Variants in CDK13 observed in about 807,000 individuals in gnomAD.
CDK13 encodes cyclin-dependent kinase 13.
A neutral mutation model predicts 137.6 loss-of-function variants in CDK13; 40 were observed. The ratio of observed to expected loss-of-function variants is 0.29; its 90% CI spans 0.23 to 0.38. The LOEUF is 0.38. Ranked by LOEUF, CDK13 falls within the 10% of genes least tolerant of loss-of-function variation. The pLI is 1.00. For missense variants in CDK13, 1,704 were observed against 1,951.8 expected (o/e 0.87, Z 2.39); for synonymous variants, 869 against 760.1 (o/e 1.14, Z -2.36).
chr7:40,062,239 A>G (rs1786163468), intron 7 of CDK13: 1 of 152,366 alleles, frequency 6.6e-6, no homozygotes, highest in Non-Finnish European at 1.5e-5. Flanking sequence ...TCAACAATTG[A>G]GTTGATACTA....
At position 40,054,192 on chromosome 7, in the gene CDK13, TC is replaced by T. The variant is rs1482491326; in HGVS notation, c.2600+6317del. Among the ~76,000 whole-genome samples, 18 of 152,288 alleles carry T rather than the reference TC, an allele frequency of 1.2e-4. No homozygotes were observed. In the East Asian group the frequency reaches 3.5e-3, roughly 29 times the overall value. ...AATTTTGCTTTTTGTCTTTGCATCC[TC>T]CAAATATATTTTTGACAAATGAGTT... On this transcript the variant is annotated intron_variant, in intron 7 of 13. Coordinates refer to ENST00000181839, the MANE Select transcript of CDK13 (RefSeq NM_003718.5).
chr7:39,978,576 C>T (rs1451608170), intron 1 of CDK13, among the ~76,000 whole-genome samples: 2 of 152,140 alleles, frequency 1.3e-5, no homozygotes, highest in African/African-American at 4.8e-5. Flanking sequence ...GTAATTTATT[C>T]CTTCAGGGGA....
intron 5 of CDK13, among the ~76,000 whole-genome samples, chr7:40,024,678 TCC>T (rs1785206179): frequency 1.4e-4 from 13 of 93,058 alleles, no homozygotes; most frequent in African/African-American, 4.5e-4. Context: ...TTTTTTTTTT[TCC>T]TGAGACAGAG....
In CDK13 at chr7:39,988,096, C is replaced by T; in HGVS notation, c.1709C>T (p.Ser570Phe). 1.9e-6 allele frequency: 3 copies of T among 1,613,910 alleles called. No individual in the cohort carries two copies. Among genetic ancestry groups the T allele is most frequent in the Non-Finnish European group, 2.5e-6 (3 of 1,179,980 alleles). Residue 570 changes from serine to phenylalanine, a missense_variant, in exon 2 of 14, where the codon TCT becomes TTT. Coordinates refer to ENST00000181839, the MANE Select transcript of CDK13 (RefSeq NM_003718.5). The part of the protein sequence containing the change: ...KAVIVGKESK[S>F]AATKEESVSL... ...GTCATAGTTGGAAAGGAGAGTAAAT[C>T]TGCTGCTACAAAGGAGGAATCAGTA...
At chr7:40,024,629 A>G (rs1785201794) in intron 5 of CDK13, among the ~76,000 whole-genome samples, 1 of 130,560 alleles carries the variant, frequency 7.7e-6, no homozygotes, top group Non-Finnish European at 1.6e-5. Context: ...TTCTTCCAAG[A>G]TATCTGTAGC....
In CDK13 at chr7:39,951,559, G is replaced by A; in HGVS notation, c.918G>A (p.Glu306=). 2 of 1,532,862 alleles carry A rather than the reference G, an allele frequency of 1.3e-6. No individual in the cohort carries two copies. The highest frequency in any genetic ancestry group is 1.2e-5 in the South Asian group (1 of 82,230). 95.0% of individuals were successfully genotyped at this position (1,532,862 alleles called of 1,614,324 possible). A position where few individuals can be genotyped will look rare whatever the true frequency, so the allele number is the denominator to read the frequency against. The change falls in exon 1 of 14, where the codon GAG becomes GAA. Residue 306 remains glutamate (E), a synonymous_variant. Transcript: ENST00000181839. ...PPKAYREDKT[E]PKAYRRRRSL... ...AGGCCTACCGGGAGGACAAGACCGA[G>A]CCTAAGGCCTACAGGCGGCGGCGGT...
chr7:40,001,991 G>T lies in CDK13; in HGVS notation c.2313G>T (p.Val771=). Residue 771 remains valine (V), a synonymous_variant, in exon 5 of 14, where the codon GTG becomes GTT. Coordinates refer to ENST00000181839, the MANE Select transcript of CDK13 (RefSeq NM_003718.5). The part of the protein sequence containing the change: ...HQSIINMKEI[V]TDKEDALDFK... The stretch of plus-strand genomic sequence containing the variant: ...GTATTATCAATATGAAGGAAATAGT[G>T]ACTGATAAAGAAGATGCTTTGGATT... The T allele has an allele frequency of 6.2e-7, 1 of 1,609,394 alleles. No homozygotes were observed. Among genetic ancestry groups the T allele is most frequent in the Non-Finnish European group, 8.5e-7 (1 of 1,178,160 alleles).
chr7:39,950,332 G>A lies in CDK13; in HGVS notation c.-310G>A. On this transcript the variant is annotated 5_prime_UTR_variant, in exon 1 of 14. Transcript: ENST00000181839. ...ACCCCCGGGGGCACTTGGAGGACTC[G>A]GGACTCCCCCGCAGGTCAGCGCCCG... The A allele has an allele frequency of 8.7e-7, 1 of 1,146,678 alleles. No individual in the cohort carries two copies. The highest frequency in any genetic ancestry group is 1.6e-5 in the African/African-American group (1 of 62,494). 71.0% of individuals were successfully genotyped at this position (1,146,678 alleles called of 1,614,324 possible). A position where few individuals can be genotyped will look rare whatever the true frequency, so the allele number is the denominator to read the frequency against.
At chr7:40,001,549 A>C (rs1176600327) in intron 4 of CDK13, among the ~76,000 whole-genome samples, 1 of 152,096 alleles carries the variant, frequency 6.6e-6, no homozygotes, top group Non-Finnish European at 1.5e-5. Flanking sequence ...TTTTTTCCCA[A>C]GTGAATGTAA....
intron 2 of CDK13, among the ~76,000 whole-genome samples, chr7:39,996,470 A>G (rs542349560): frequency 2.0e-5 from 3 of 152,342 alleles, no homozygotes; most frequent in Non-Finnish European, 4.4e-5. Context: ...CATTCATAAA[A>G]AGTACAAAGC....
In CDK13 at chr7:40,059,495, A is replaced by AT. The variant is rs777748742; in HGVS notation, c.2601-3329dup. 1.4e-4 allele frequency among the ~76,000 whole-genome samples: 21 copies of AT among 152,322 alleles called. 1 individual carries two copies. Among genetic ancestry groups the AT allele is most frequent in the Admixed American group, 5.2e-4 (8 of 15,304 alleles). On this transcript the variant is annotated intron_variant, in intron 7 of 13. Transcript: ENST00000181839. ...TGCCTCAGCCTCCCAATTAGCTGGG[A>AT]TTACAGATGCATGCCACCACGCCTG...
At position 40,042,668 on chromosome 7, in the gene CDK13, G is replaced by T. The variant is rs1393656254; in HGVS notation, c.2354-3168G>T. On this transcript the variant is annotated intron_variant, in intron 5 of 13. Coordinates refer to ENST00000181839, the MANE Select transcript of CDK13 (RefSeq NM_003718.5). ...GTTTTTTTTGTATTTTAGCAGAGACGGGGTTTTACCATGTTGTCCAGGCTA... is the reference window on the plus strand; with the variant it reads ...GTTTTTTTTGTATTTTAGCAGAGACTGGGTTTTACCATGTTGTCCAGGCTA... Among the ~76,000 whole-genome samples, 6 of 116,690 alleles carry T rather than the reference G, an allele frequency of 5.1e-5. No individual in the cohort carries two copies. The African/African-American group carries it at 5.6e-4, about 11-fold the overall frequency. The allele number at this position is 116,690 out of a possible 152,430, so 76.6% of individuals were successfully genotyped here. A position where few individuals can be genotyped will look rare whatever the true frequency, so the allele number is the denominator to read the frequency against.
At chr7:40,009,846 A>G (rs1784860467) in intron 5 of CDK13, among the ~76,000 whole-genome samples, 1 of 152,228 alleles carries the variant, frequency 6.6e-6, no homozygotes, top group Non-Finnish European at 1.5e-5. Context: ...TCAGCATTGT[A>G]CTAGAGGTTC....
At chr7:39,981,664 C>T (rs963313446) in intron 1 of CDK13, among the ~76,000 whole-genome samples, 16 of 151,060 alleles carry the variant, frequency 1.1e-4, no homozygotes, top group African/African-American at 3.2e-4. Context: ...CTTACTAAGA[C>T]GAAATAAATA....
intron 5 of CDK13, among the ~76,000 whole-genome samples, chr7:40,011,523 G>A (rs536354198): frequency 6.6e-6 from 1 of 152,312 alleles, no homozygotes; most frequent in African/African-American, 2.4e-5. Flanking sequence ...AAGGTGGCAG[G>A]ATGATTCAGA....
chr7:40,043,850 A>G (rs1452299642), intron 5 of CDK13, among the ~76,000 whole-genome samples: 1 of 148,492 alleles, frequency 6.7e-6, no homozygotes, highest in East Asian at 2.1e-4. Context: ...AAAAGAAAAG[A>G]AAAATACAGA....
intron 7 of CDK13, among the ~76,000 whole-genome samples, chr7:40,052,576 G>A (rs1037771368): frequency 3.3e-5 from 5 of 152,164 alleles, no homozygotes; most frequent in Non-Finnish European, 7.3e-5. Context: ...GATCCAGTAA[G>A]GAGAGAGAAG....
At chr7:40,051,227 A>G (rs1584040477) in intron 7 of CDK13, among the ~76,000 whole-genome samples, 1 of 151,020 alleles carries the variant, frequency 6.6e-6, no homozygotes. Context: ...CAAATATCCT[A>G]TCATTATGGG....
At chr7:40,039,915 C>T (rs1455766078) in intron 5 of CDK13, among the ~76,000 whole-genome samples, 2 of 150,358 alleles carry the variant, frequency 1.3e-5, no homozygotes, top group Non-Finnish European at 3.0e-5. Flanking sequence ...CTAGTTGGAA[C>T]TTTTTTTCTA....
Sources: allele counts gnomAD v4.1 joint callset (sites outside exome capture counted in the v4.1 genomes callset), GRCh38; gene constraint gnomAD v4.1.1; transcripts MANE v1.5; gene names NCBI Gene and HGNC (gene_info 2026-07-23, HGNC 2026-07-21).